The following MYRIP variants were observed in gnomAD, a reference collection of about 807,000 sequenced individuals.
MYRIP encodes myosin VIIA and Rab interacting protein, also known as rab effector MyRIP.
Under a neutral mutation model 98.0 loss-of-function variants are expected in MYRIP, and 49 were observed. The ratio of observed to expected loss-of-function variants is 0.50; its 90% CI spans 0.40 to 0.63. The LOEUF is 0.63. MYRIP is among the 30% of genes least tolerant of loss of function. MYRIP has a pLI of 0.00. For synonymous variants in MYRIP, 404 were observed against 409.5 expected, an observed-to-expected ratio of 0.99 and a Z score of 0.16; for missense variants, 1,004 against 1,058.2, an observed-to-expected ratio of 0.95 and a Z score of 0.71.
At chr3:39,961,531 G>C (rs1210249678) in intron 2 of MYRIP, among the ~76,000 whole-genome samples, 1 of 152,052 alleles carries the variant, frequency 6.6e-6, no homozygotes. Context: ...AGTTCAACCA[G>C]GAAAGGAACA....
chr3:39,830,232 CT>C (rs953930405), intron 1 of MYRIP, among the ~76,000 whole-genome samples: 1 of 152,152 alleles, frequency 6.6e-6, no homozygotes, highest in African/African-American at 2.4e-5. Context: ...GGGCAATATT[CT>C]ATTCACTTGG....
chr3:40,080,994 G>A (rs1465510555), intron 3 of MYRIP, among the ~76,000 whole-genome samples: 1 of 150,458 alleles, frequency 6.6e-6, no homozygotes. Context: ...TTTTTTCTTC[G>A]ACCTATGTGT....
chr3:39,824,580 A>G (rs558485448), intron 1 of MYRIP, among the ~76,000 whole-genome samples: 2 of 151,760 alleles, frequency 1.3e-5, no homozygotes, highest in Non-Finnish European at 2.9e-5. Context: ...CTCCTTGGTT[A>G]TATTTATTTC....
chr3:40,149,348 C>G (rs984926365), intron 3 of MYRIP, among the ~76,000 whole-genome samples: 10 of 152,168 alleles, frequency 6.6e-5, no homozygotes, highest in African/African-American at 2.4e-4. Context: ...GGACACCAAG[C>G]CATTCATGAG....
At chr3:40,053,225 G>T (rs1000276234) in intron 3 of MYRIP, among the ~76,000 whole-genome samples, 1 of 152,016 alleles carries the variant, frequency 6.6e-6, no homozygotes, top group Non-Finnish European at 1.5e-5. Context: ...ATACCACCTG[G>T]CTTCCCAGGG....
intron 3 of MYRIP, among the ~76,000 whole-genome samples, chr3:40,112,920 A>AT (rs1949189916): frequency 6.6e-6 from 1 of 152,154 alleles, no homozygotes; most frequent in African/African-American, 2.4e-5. Context: ...AACTATTAAA[A>AT]TCTATTATAT....
chr3:40,130,464 G>A (rs371808041), intron 3 of MYRIP, among the ~76,000 whole-genome samples: 2 of 148,746 alleles, frequency 1.3e-5, no homozygotes, highest in African/African-American at 2.5e-5. Flanking sequence ...TGCAAGCTCC[G>A]CCTCCCGGGT....
In MYRIP at chr3:39,899,999, G is replaced by C. The variant is rs184338196; in HGVS notation, c.-30-788G>C. Among the ~76,000 whole-genome samples the C allele has an allele frequency of 4.1e-3, 623 of 152,184 alleles. 3 individuals are homozygous for C. The highest frequency in any genetic ancestry group is 6.5e-3 in the Non-Finnish European group (440 of 67,974). ...CCATGCCCAGCTAATTTTTGGATCT[G>C]TAGTAGAGACAGGGTTTCACCATGT... On this transcript the variant is annotated intron_variant, in intron 1 of 16. Transcript: ENST00000302541.
intron 2 of MYRIP, among the ~76,000 whole-genome samples, chr3:39,966,183 G>A (rs1185353011): frequency 6.6e-6 from 1 of 152,054 alleles, no homozygotes; most frequent in Non-Finnish European, 1.5e-5. Flanking sequence ...AAGTACAGAG[G>A]GATTTCCTTG....
chr3:39,872,156 A>C (rs1455113180), intron 1 of MYRIP, among the ~76,000 whole-genome samples: 1 of 152,078 alleles, frequency 6.6e-6, no homozygotes, highest in Non-Finnish European at 1.5e-5. Flanking sequence ...AATAGCATAA[A>C]TAGTGCTTCT....
rs946057123 is a variant in MYRIP at position 39,969,118 on chromosome 3, G to A, written c.110+68192G>A. Among the ~76,000 whole-genome samples the A allele has an allele frequency of 5.0e-4, 76 of 152,066 alleles. 1 individual carries two copies. The highest frequency in any genetic ancestry group is 1.4e-3 in the African/African-American group (57 of 41,480). ...AATGGGCTTGCCTTTTTGATTTGGT[G>A]CTCAGTTTGGCTATTGTTGGTGTAT... On this transcript the variant is annotated intron_variant, in intron 2 of 16. Coordinates refer to ENST00000302541, the MANE Select transcript of MYRIP (RefSeq NM_015460.4).
chr3:40,181,365 C>G (rs1950879485), intron 8 of MYRIP, among the ~76,000 whole-genome samples: 1 of 152,176 alleles, frequency 6.6e-6, no homozygotes, highest in Non-Finnish European at 1.5e-5. Context: ...AATGAGCACA[C>G]TTTGCACTGG....
chr3:39,973,047 A>T (rs982435403), intron 2 of MYRIP, among the ~76,000 whole-genome samples: 1 of 152,028 alleles, frequency 6.6e-6, no homozygotes, highest in African/African-American at 2.4e-5. Context: ...TCTGGAGGGA[A>T]TATTCATATA....
At chr3:40,022,439 A>G (rs1249255592) in intron 2 of MYRIP, among the ~76,000 whole-genome samples, 1 of 152,226 alleles carries the variant, frequency 6.6e-6, no homozygotes, top group Non-Finnish European at 1.5e-5. Context: ...AGGGAATGGC[A>G]CAGCATGTGG....
chr3:39,874,375 A>G (rs1033552108), intron 1 of MYRIP, among the ~76,000 whole-genome samples: 27 of 151,678 alleles, frequency 1.8e-4, no homozygotes, highest in Non-Finnish European at 2.4e-4. Flanking sequence ...TTCCAACACT[A>G]TGTTGAATAG....
At chr3:40,148,475 A>G (rs1950053905) in intron 3 of MYRIP, among the ~76,000 whole-genome samples, 1 of 151,772 alleles carries the variant, frequency 6.6e-6, no homozygotes, top group African/African-American at 2.4e-5. Flanking sequence ...CATATATTCC[A>G]TATTTTTGCC....
chr3:40,142,060 T>TA lies in MYRIP; in HGVS notation c.333-8988_333-8987insA, dbSNP rs1399336279. On this transcript the variant is annotated intron_variant, in intron 3 of 16. Coordinates refer to ENST00000302541, the MANE Select transcript of MYRIP (RefSeq NM_015460.4). ...AGTATGCTGTTGATTTTTTTTTTTT[T>TA]TTTTTTTTTTGAGAGAAGTCTTGCT... Among the ~76,000 whole-genome samples the TA allele has an allele frequency of 8.7e-4, 129 of 148,974 alleles. 1 individual carries two copies. The highest frequency in any genetic ancestry group is 7.2e-3 in the Admixed American group (108 of 15,024).
intron 1 of MYRIP, among the ~76,000 whole-genome samples, chr3:39,886,866 C>T (rs2125652545): frequency 6.6e-6 from 1 of 152,208 alleles, no homozygotes; most frequent in Non-Finnish European, 1.5e-5. Context: ...AACTCTCCAC[C>T]CCAAATCAAC....
intron 2 of MYRIP, among the ~76,000 whole-genome samples, chr3:39,949,448 A>C (rs1944963809): frequency 6.6e-6 from 1 of 152,162 alleles, no homozygotes; most frequent in Non-Finnish European, 1.5e-5. Flanking sequence ...CATCTGTATC[A>C]TGGTAATAAA....
Sources: gnomAD v4.1 joint callset for allele counts (sites outside exome capture counted in the v4.1 genomes callset) on GRCh38, gnomAD v4.1.1 for gene constraint, MANE v1.5 for transcripts, NCBI Gene and HGNC (gene_info 2026-07-23, HGNC 2026-07-21) for gene names.